Variants in SLC16A1 observed in about 807,000 individuals in gnomAD.
SLC16A1 encodes monocarboxylate transporter 1.
A neutral mutation model predicts 32.2 loss-of-function variants in SLC16A1; 11 were observed. The ratio of observed to expected loss-of-function variants is 0.34; its 90% CI spans 0.21 to 0.56. SLC16A1 has a LOEUF of 0.56. Ranked by LOEUF, SLC16A1 falls within the 20% of genes least tolerant of loss-of-function variation. SLC16A1 has a pLI of 0.87. For missense variants in SLC16A1, 435 were observed against 615.0 expected (o/e 0.71, Z 3.10); for synonymous variants, 231 against 226.8 (o/e 1.02, Z -0.17).
chr1:112,935,252 T>C lies in SLC16A1; in HGVS notation c.-44-5900A>G, dbSNP rs1324005528. 2.0e-5 allele frequency among the ~76,000 whole-genome samples: 3 copies of C among 151,720 alleles called. 1 individual carries two copies. The highest frequency in any genetic ancestry group is 7.3e-5 in the African/African-American group (3 of 41,282). ...CAACATGGTGAAACCCCATCTCTAC[T>C]AAAAATACAAAAATTAGCCAGGCAT... On this transcript the variant is annotated intron_variant, in intron 1 of 4. Transcript: ENST00000369626.
In SLC16A1 at chr1:112,917,518, C is replaced by T. The variant is rs1292551231; in HGVS notation, c.888G>A (p.Glu296=). Residue 296 remains glutamate, a synonymous_variant, in exon 4 of 5, where the codon GAG becomes GAA. Transcript: ENST00000369626. The surrounding 1 kb of genome is among the most constrained non-coding windows in gnomAD (Gnocchi z 4.1). ...SYGKSQHYSS[E]KSAFLLSILA... ...GAATGGAAAGAAGGAAGGCAGACTT[C>T]TCACTAGAATAATGCTGACTCTTCC... 3 of 1,614,088 alleles carry T rather than the reference C, an allele frequency of 1.9e-6. No individual in the cohort carries two copies. Among genetic ancestry groups the T allele is most frequent in the Non-Finnish European group, 2.5e-6 (3 of 1,180,042 alleles).
intron 2 of SLC16A1, chr1:112,923,862 T>G: frequency 6.6e-7 from 1 of 1,516,830 alleles, no homozygotes; most frequent in Non-Finnish European, 9.1e-7. Context: ...CCAGGGCATG[T>G]ACAACGCCAC....
At chr1:112,924,028 A>T (rs1648838129) in intron 2 of SLC16A1, 2 of 1,312,618 alleles carry the variant, frequency 1.5e-6, no homozygotes, top group Admixed American at 1.7e-5. Flanking sequence ...TTTGGGACTC[A>T]ATGGGCAGAG....
At chr1:112,944,391 C>T (rs1486491408) in intron 1 of SLC16A1, among the ~76,000 whole-genome samples, 1 of 152,146 alleles carries the variant, frequency 6.6e-6, no homozygotes, top group Non-Finnish European at 1.5e-5. Context: ...ATTGCATGAG[C>T]CAAGATCACG....
At chr1:112,952,193 G>C (rs1433214952) in intron 1 of SLC16A1, among the ~76,000 whole-genome samples, 1 of 152,192 alleles carries the variant, frequency 6.6e-6, no homozygotes, top group Non-Finnish European at 1.5e-5. Context: ...ATCTATACCT[G>C]AGGGACATAT....
At chr1:112,946,870 G>T (rs1472813959) in intron 1 of SLC16A1, among the ~76,000 whole-genome samples, 1 of 152,154 alleles carries the variant, frequency 6.6e-6, no homozygotes, top group Non-Finnish European at 1.5e-5. Context: ...TTGGCACAAA[G>T]AACTTATCTA....
intron 1 of SLC16A1, among the ~76,000 whole-genome samples, chr1:112,939,470 T>C (rs984926670): frequency 6.6e-6 from 1 of 152,186 alleles, no homozygotes; most frequent in African/African-American, 2.4e-5. Flanking sequence ...AGCCAAGATA[T>C]GGAAGCAACC....
intron 1 of SLC16A1, among the ~76,000 whole-genome samples, chr1:112,945,695 A>G (rs1378122573): frequency 6.7e-6 from 1 of 149,678 alleles, no homozygotes; most frequent in African/African-American, 2.5e-5. Context: ...AAGAAAAAAA[A>G]AAATTACCTA....
chr1:112,944,835 G>A (rs1323565207), intron 1 of SLC16A1, among the ~76,000 whole-genome samples: 1 of 152,072 alleles, frequency 6.6e-6, no homozygotes, highest in African/African-American at 2.4e-5. Flanking sequence ...TGGGATTACA[G>A]GTGGGCGCCA....
At chr1:112,919,337 AT>A (rs1448072594) in intron 3 of SLC16A1, among the ~76,000 whole-genome samples, 1 of 152,134 alleles carries the variant, frequency 6.6e-6, no homozygotes, top group Non-Finnish European at 1.5e-5. Flanking sequence ...CCCAGCCTGA[AT>A]GTACTAATTT....
At position 112,913,885 on chromosome 1, in the gene SLC16A1, A is replaced by T; in HGVS notation, c.*6T>A. 6.2e-7 allele frequency: 1 copy of T among 1,614,172 alleles called. No individual in the cohort carries two copies. The highest frequency in any genetic ancestry group is 8.5e-7 in the Non-Finnish European group (1 of 1,180,016). On this transcript the variant is annotated 3_prime_UTR_variant, in exon 5 of 5. Coordinates refer to ENST00000369626, the MANE Select transcript of SLC16A1 (RefSeq NM_003051.4). The stretch of plus-strand genomic sequence containing the variant: ...ACTGCTCAATTTACCCTTCAGCCCC[A>T]TGGATTCAGACTGGACTTTCCTCCT...
At chr1:112,932,631 G>A (rs902437468) in intron 1 of SLC16A1, among the ~76,000 whole-genome samples, 4 of 151,666 alleles carry the variant, frequency 2.6e-5, no homozygotes, top group African/African-American at 7.3e-5. Context: ...GTGAAACCCC[G>A]TCTCTACTAA....
intron 1 of SLC16A1, among the ~76,000 whole-genome samples, chr1:112,935,402 CG>C (rs577892369): frequency 2.2e-4 from 33 of 151,368 alleles, no homozygotes; most frequent in African/African-American, 7.8e-4. Context: ...GGCAAGACTC[CG>C]CTTCAAAAAA....
chr1:112,942,770 T>TA (rs936715117), intron 1 of SLC16A1, among the ~76,000 whole-genome samples: 16 of 152,240 alleles, frequency 1.1e-4, no homozygotes, highest in African/African-American at 3.6e-4. Context: ...TTGACTTTAA[T>TA]ACTCTACAAT....
chr1:112,942,786 A>T (rs1395347540), intron 1 of SLC16A1, among the ~76,000 whole-genome samples: 1 of 152,220 alleles, frequency 6.6e-6, no homozygotes. Context: ...ACAATACCCT[A>T]TGATGCTACT....
intron 2 of SLC16A1, chr1:112,923,382 A>G: frequency 1.7e-6 from 1 of 593,236 alleles, no homozygotes; most frequent in Non-Finnish European, 3.1e-6. Context: ...CAACCACTGC[A>G]CGTTGCTCCC....
Position 112,922,018 on chromosome 1 carries a change from T to G in SLC16A1, c.333A>C (p.Gln111His). Reference sequence around the variant, plus strand: ...CAATGACTCCAATACAGACGTATAGTTGCTGTACGGTGTTACAGAAAGAAG... The same window carrying G: ...CAATGACTCCAATACAGACGTATAGGTGCTGTACGGTGTTACAGAAAGAAG... ...IAASFCNTVQQLYVCIGVIGG... is the reference protein window; with the variant it reads ...IAASFCNTVQHLYVCIGVIGG... The change falls in exon 3 of 5, where the codon CAA becomes CAC. Residue 111 changes from glutamine (Q) to histidine (H), a missense_variant. By Grantham distance (24) the Gln-to-His change is conservative. Transcript: ENST00000369626. 6.2e-7 allele frequency: 1 copy of G among 1,614,210 alleles called. No homozygotes were observed. Among genetic ancestry groups the G allele is most frequent in the South Asian group, 1.1e-5 (1 of 91,084 alleles).
intron 1 of SLC16A1, among the ~76,000 whole-genome samples, chr1:112,937,285 C>T (rs1219237245): frequency 1.3e-5 from 2 of 152,144 alleles, no homozygotes; most frequent in African/African-American, 4.8e-5. Flanking sequence ...AAGGCAGTTA[C>T]AATTTTTAGT....
intron 1 of SLC16A1, chr1:112,955,445 C>T (rs1650046137): frequency 1.3e-5 from 2 of 152,242 alleles, no homozygotes; most frequent in Non-Finnish European, 2.9e-5. Flanking sequence ...TGCGGGCTGC[C>T]CCGTCCCCTC....
Sources: allele counts gnomAD v4.1 joint callset (sites outside exome capture counted in the v4.1 genomes callset), GRCh38; gene constraint gnomAD v4.1.1; non-coding constraint Gnocchi (gnomAD v3.1); transcripts MANE v1.5; gene names NCBI Gene and HGNC (gene_info 2026-07-23, HGNC 2026-07-21).